Variants in PRKCG observed in about 807,000 individuals in gnomAD.
PRKCG encodes protein kinase C gamma type.
PRKCG carries 28 observed loss-of-function variants against 82.0 expected under a neutral mutation model. The ratio of observed to expected loss-of-function variants is 0.34; its 90% CI spans 0.25 to 0.47. The LOEUF is 0.47. PRKCG is among the 20% of genes least tolerant of loss of function. The pLI is 1.00. For synonymous variants in PRKCG, 383 were observed against 376.6 expected (o/e 1.02, Z -0.20); for missense variants, 640 against 952.7 (o/e 0.67, Z 4.32).
At chr19:53,890,154 AC>A in intron 5 of PRKCG, 137 bp downstream of exon 5, 1 of 973,086 alleles carries the variant, frequency 1.0e-6, no homozygotes, top group Non-Finnish European at 1.5e-6. Context: ...CACACTCCTG[AC>A]CCCACCCCAA....
chr19:53,900,564 A>G lies in PRKCG; in HGVS notation c.1437-47A>G, dbSNP rs1322114128. ...TGAATATGTGGCTCTAGACTGCTGA[A>G]CTCAACACTTCTTGCAATTCCTGCC... On this transcript the variant is annotated intron_variant, in intron 13 of 17. Transcript: ENST00000263431. The surrounding 1 kb of genome is among the most constrained non-coding windows in gnomAD (Gnocchi z 4.2). 1.2e-6 allele frequency: 2 copies of G among 1,613,942 alleles called. No homozygotes were observed. Among genetic ancestry groups the G allele is most frequent in the African/African-American group, 2.7e-5 (2 of 74,886 alleles).
At position 53,884,021 on chromosome 19, in the gene PRKCG, ACTCT is replaced by A; in HGVS notation, c.203-137_203-134del. ...TGGCCTCCGATTTTCTCTCTGTTGG[ACTCT>A]CTGTGTTGAGATCCCTCTCTTTCTG... On this transcript the variant is annotated intron_variant, in intron 2 of 17. Transcript: ENST00000263431. This position sits in a 1 kb window ranked among gnomAD's most constrained non-coding sequence, Gnocchi z 4.6. The A allele has an allele frequency of 3.8e-6, 3 of 792,568 alleles. No individual in the cohort carries two copies. In the South Asian group the frequency reaches 4.3e-5, roughly 11 times the overall value. 49.1% of individuals were successfully genotyped at this position (792,568 alleles called of 1,614,324 possible).
chr19:53,906,929 C>A lies in PRKCG; in HGVS notation c.*34C>A. ...GCCGCCACTAGGTGTCCCCAACGTC[C>A]CCTCCGCCGTGCCGGCGGCAGCCCC... On this transcript the variant is annotated 3_prime_UTR_variant, in exon 18 of 18. Transcript: ENST00000263431. 6.2e-7 allele frequency: 1 copy of A among 1,612,822 alleles called. No homozygotes were observed. Among genetic ancestry groups the A allele is most frequent in the Non-Finnish European group, 8.5e-7 (1 of 1,179,610 alleles).
rs748128173 is a variant in PRKCG, at chr19:53,900,711, C to T, written c.1537C>T (p.Arg513Cys). 21 of 1,614,120 alleles carry T rather than the reference C, an allele frequency of 1.3e-5. No homozygotes were observed. Among genetic ancestry groups the T allele is most frequent in the South Asian group, 1.1e-4 (10 of 91,092 alleles). The change falls in exon 14 of 18, where the codon CGC (arginine) becomes TGC (cysteine). Residue 513 changes from arginine (R) to cysteine (C), a missense_variant. This residue lies in a region of PRKCG where 198 missense variants were observed against 273.4 expected (regional missense o/e 0.72). Transcript: ENST00000263431. The surrounding 1 kb of genome is among the most constrained non-coding windows in gnomAD (Gnocchi z 4.2). ...KENVFPGTTT[R>C]TFCGTPDYIA... ...GAACGTCTTCCCCGGGACGACAACC[C>T]GCACCTTCTGCGGGACCCCGGACTA...
chr19:53,896,376 G>GATT (rs113382850), intron 9 of PRKCG, among the ~76,000 whole-genome samples: 2,877 of 141,900 alleles, frequency 0.02, 34 homozygotes, highest in Non-Finnish European at 0.023. Context: ...AAACAGCCCT[G>GATT]ATTATTATTA....
rs1441828760 is a variant in PRKCG, at chr19:53,898,449, G to A, written c.1102G>A (p.Ala368Thr). 6.2e-7 allele frequency: 1 copy of A among 1,614,018 alleles called. No homozygotes were observed. The change falls in exon 11 of 18, where the codon GCC becomes ACC. Residue 368 changes from alanine to threonine, a missense_variant. Around this residue, in one of 7 missense-constraint regions of PRKCG, gnomAD observed 22 missense variants for 59.0 expected, o/e 0.37. Transcript: ENST00000263431. ...GGAACTGTGCGCATAGGTGATGCTG[G>A]CCGAGCGCAGGGGCTCTGATGAGCT... The part of the protein sequence containing the change: ...GKGSFGKVML[A>T]ERRGSDELYA...
chr19:53,896,938 C>T (rs1241094420), intron 9 of PRKCG, among the ~76,000 whole-genome samples: 2 of 152,156 alleles, frequency 1.3e-5, no homozygotes, highest in Non-Finnish European at 2.9e-5. Flanking sequence ...CAGGCGAGGC[C>T]TCTATGAAGT....
rs58857033 is a variant in PRKCG, at chr19:53,893,954, G to T, written c.939+563G>T. ...TTATTTTTAGTAGAGATGGGATTTC[G>T]CCATGTTGGCCAGGCTGATCTCAAA... On this transcript the variant is annotated intron_variant, in intron 9 of 17. Coordinates refer to ENST00000263431, the MANE Select transcript of PRKCG (RefSeq NM_002739.5). Among the ~76,000 whole-genome samples, 703 of 151,336 alleles carry T rather than the reference G, an allele frequency of 4.6e-3. 26 individuals are homozygous for T. The East Asian group carries it at 0.074, about 16-fold the overall frequency.
At position 53,889,748 on chromosome 19, in the gene PRKCG, C is replaced by T; in HGVS notation, c.396C>T (p.Ser132=). The change falls in exon 4 of 18, where the codon TCC becomes TCT. Residue 132 remains serine, a splice_region_variant and synonymous_variant. Transcript: ENST00000263431. The surrounding 1 kb of genome is among the most constrained non-coding windows in gnomAD (Gnocchi z 4.4). ...YGLVHQGMKC[S]CCEMNVHRRC... Reference sequence around the variant, plus strand: ...TTGTGCACCAGGGCATGAAATGCTCCTGTGAGTGACCTGGGCCTTGCCAGG... The same window carrying T: ...TTGTGCACCAGGGCATGAAATGCTCTTGTGAGTGACCTGGGCCTTGCCAGG... 3 of 1,613,618 alleles carry T rather than the reference C, an allele frequency of 1.9e-6. No homozygotes were observed. The highest frequency in any genetic ancestry group is 2.5e-6 in the Non-Finnish European group (3 of 1,179,798).
At position 53,883,641 on chromosome 19, in the gene PRKCG, G is replaced by A. The variant is rs1026572890; in HGVS notation, c.202+447G>A. On this transcript the variant is annotated intron_variant, in intron 2 of 17. Transcript: ENST00000263431. This position sits in a 1 kb window ranked among gnomAD's most constrained non-coding sequence, Gnocchi z 5.4. ...GGCGGGGCCGGCAGTTCTGGGGGGCGGGAGAGGGGGGCGAGTCCTTGAGCA... is the reference window on the plus strand; with the variant it reads ...GGCGGGGCCGGCAGTTCTGGGGGGCAGGAGAGGGGGGCGAGTCCTTGAGCA... Among the ~76,000 whole-genome samples, 3 of 148,100 alleles carry A rather than the reference G, an allele frequency of 2.0e-5. No individual in the cohort carries two copies. Among genetic ancestry groups the A allele is most frequent in the Admixed American group, 6.7e-5 (1 of 14,978 alleles).
chr19:53,882,272 G>C lies in PRKCG; in HGVS notation c.-223G>C, dbSNP rs763607343. On this transcript the variant is annotated 5_prime_UTR_variant, in exon 1 of 18. Transcript: ENST00000263431. This position sits in a 1 kb window ranked among gnomAD's most constrained non-coding sequence, Gnocchi z 6.1. ...TCCGGCTGCCGGCGCCCCTGCCTTT[G>C]GCTCTTCCTCCCCACTCGCCCGCTC... 1 of 634,778 alleles carries C rather than the reference G, an allele frequency of 1.6e-6. No individual in the cohort carries two copies. The highest frequency in any genetic ancestry group is 1.7e-5 in the South Asian group (1 of 60,018). 39.3% of individuals were successfully genotyped at this position (634,778 alleles called of 1,614,324 possible).
chr19:53,897,940 T>C lies in PRKCG; in HGVS notation c.940-19T>C. On this transcript the variant is annotated intron_variant, in intron 9 of 17. Transcript: ENST00000263431. ...GTAAGGTCTAACTGCCTCTGGCTCT[T>C]TCTTTCTCCTTTCCACAGCGGGTGC... The C allele has an allele frequency of 1.2e-6, 2 of 1,613,558 alleles. No individual in the cohort carries two copies. Among genetic ancestry groups the C allele is most frequent in the Non-Finnish European group, 1.7e-6 (2 of 1,179,582 alleles).
rs1403666904 is a variant in PRKCG, at chr19:53,900,340, CAG to C, written c.1373+20_1373+21del. ...CCCATGCAGCGTGAGTCTCGGCCAA[CAG>C]AGAATGGTCGGGGTGGTGGAAGGGG... On this transcript the variant is annotated intron_variant, in intron 12 of 17. Transcript: ENST00000263431. This position sits in a 1 kb window ranked among gnomAD's most constrained non-coding sequence, Gnocchi z 4.2. The C allele has an allele frequency of 1.2e-6, 2 of 1,614,004 alleles. No individual in the cohort carries two copies. The highest frequency in any genetic ancestry group is 3.3e-5 in the Admixed American group (2 of 60,010).
Position 53,900,008 on chromosome 19 carries a change from C to G in PRKCG, c.1282-225C>G, listed in dbSNP as rs943101532. ...GCTTCAGTCTTCAATTCTGAGAAGG[C>G]GGGGCCAGAACACGTGGTCTGATAG... On this transcript the variant is annotated intron_variant, in intron 11 of 17. Coordinates refer to ENST00000263431, the MANE Select transcript of PRKCG (RefSeq NM_002739.5). The surrounding 1 kb of genome is among the most constrained non-coding windows in gnomAD (Gnocchi z 4.2). Among the ~76,000 whole-genome samples the G allele has an allele frequency of 2.6e-5, 4 of 152,198 alleles. No individual in the cohort carries two copies. The East Asian group carries it at 7.7e-4, about 29-fold the overall frequency.
Position 53,904,635 on chromosome 19 carries a change from C to T in PRKCG, c.1657C>T (p.Pro553Ser), listed in dbSNP as rs1195527322. 1 of 1,612,398 alleles carries T rather than the reference C, an allele frequency of 6.2e-7. No homozygotes were observed. The highest frequency in any genetic ancestry group is 1.7e-5 in the Admixed American group (1 of 59,826). The change falls in exon 16 of 18, where the codon CCT (proline) becomes TCT (serine). Residue 553 changes from proline (P) to serine (S), a missense_variant and splice_region_variant. Physicochemically the swap from Pro to Ser is moderately conservative, Grantham distance 74. Around this residue, in one of 7 missense-constraint regions of PRKCG, gnomAD observed 198 missense variants for 273.4 expected, o/e 0.72. Coordinates refer to ENST00000263431, the MANE Select transcript of PRKCG (RefSeq NM_002739.5). ...VLLYEMLAGQPPFDGEDEEEL... is the reference protein window; with the variant it reads ...VLLYEMLAGQSPFDGEDEEEL... ...CTCTCTATCCCCTCCACTTTGATAGCCTCCCTTCGATGGGGAGGACGAGGA... is the reference window on the plus strand; with the variant it reads ...CTCTCTATCCCCTCCACTTTGATAGTCTCCCTTCGATGGGGAGGACGAGGA...
rs1490480074 is a variant in PRKCG at position 53,906,383 on chromosome 19, C to T, written c.1831C>T (p.His611Tyr). The change falls in exon 17 of 18, where the codon CAT (histidine) becomes TAT (tyrosine). Residue 611 changes from histidine (H) to tyrosine (Y), a missense_variant. His to Tyr is a moderately conservative substitution (Grantham distance 83). Coordinates refer to ENST00000263431, the MANE Select transcript of PRKCG (RefSeq NM_002739.5). ...TGATGGGGAACCTACCATCCGTGCA[C>T]ATGGCTTTTTCCGCTGGATTGACTG... The part of the protein sequence containing the change: ...GPDGEPTIRA[H>Y]GFFRWIDWER... The T allele has an allele frequency of 8.3e-6, 13 of 1,561,762 alleles. No homozygotes were observed. Among genetic ancestry groups the T allele is most frequent in the South Asian group, 1.2e-5 (1 of 85,000 alleles).
rs2068599820 is a variant in PRKCG, at chr19:53,882,471, G to C, written c.-24G>C. The C allele has an allele frequency of 6.2e-7, 1 of 1,609,288 alleles. No homozygotes were observed. Among genetic ancestry groups the C allele is most frequent in the Non-Finnish European group, 8.5e-7 (1 of 1,177,848 alleles). On this transcript the variant is annotated 5_prime_UTR_variant, in exon 1 of 18. Coordinates refer to ENST00000263431, the MANE Select transcript of PRKCG (RefSeq NM_002739.5). This position sits in a 1 kb window ranked among gnomAD's most constrained non-coding sequence, Gnocchi z 6.1. Reference sequence around the variant, plus strand: ...TTTCCCCCAAGAAAGGCAGGATCCTGGTCCCTGCTACGTTTCTGGGGCCAT... The same window carrying C: ...TTTCCCCCAAGAAAGGCAGGATCCTCGTCCCTGCTACGTTTCTGGGGCCAT...
intron 16 of PRKCG, among the ~76,000 whole-genome samples, chr19:53,905,382 T>TAC (rs199773630): frequency 0.019 from 2,568 of 133,952 alleles, 62 homozygotes; most frequent in African/African-American, 0.049. Flanking sequence ...TCCACTCTCA[T>TAC]ACACACACGC....
chr19:53,884,032 T>G lies in PRKCG; in HGVS notation c.203-129T>G, dbSNP rs977196544. On this transcript the variant is annotated intron_variant, in intron 2 of 17. Coordinates refer to ENST00000263431, the MANE Select transcript of PRKCG (RefSeq NM_002739.5). This position sits in a 1 kb window ranked among gnomAD's most constrained non-coding sequence, Gnocchi z 4.6. ...TTTCTCTCTGTTGGACTCTCTGTGTTGAGATCCCTCTCTTTCTGGTTTTCT... is the reference window on the plus strand; with the variant it reads ...TTTCTCTCTGTTGGACTCTCTGTGTGGAGATCCCTCTCTTTCTGGTTTTCT... 28 of 872,888 alleles carry G rather than the reference T, an allele frequency of 3.2e-5. No homozygotes were observed. The highest frequency in any genetic ancestry group is 2.5e-4 in the Middle Eastern group (1 of 3,998). 54.1% of individuals were successfully genotyped at this position (872,888 alleles called of 1,614,324 possible).
Sources: gnomAD v4.1 joint callset for allele counts (sites outside exome capture counted in the v4.1 genomes callset) on GRCh38, gnomAD v4.1.1 for gene constraint, gnomAD v4.1.1 regional missense constraint, Gnocchi (gnomAD v3.1) non-coding constraint, MANE v1.5 for transcripts, NCBI Gene and HGNC (gene_info 2026-07-23, HGNC 2026-07-21) for gene names.